The following ZC3H11B variants were observed in gnomAD, a reference collection of about 807,000 sequenced individuals.
ZC3H11B encodes the protein zinc finger CCCH domain-containing protein 11B.
A neutral mutation model predicts 34.0 loss-of-function variants in ZC3H11B; 3 were observed. That is an observed-to-expected ratio of 0.09 (90% CI 0.04 to 0.23). ZC3H11B has a LOEUF of 0.23. Ranked by LOEUF, ZC3H11B falls within the 10% of genes least tolerant of loss-of-function variation. The pLI is 1.00. For missense variants in ZC3H11B, 99 were observed against 660.1 expected (o/e 0.15, Z 9.31); for synonymous variants, 33 against 250.1 (o/e 0.13, Z 8.19).
chr1:219,610,565 C>T, exon 2 of ZC3H11B: 1 of 1,395,180 alleles, frequency 7.2e-7, no homozygotes, highest in Non-Finnish European at 1.0e-6. Flanking sequence ...GGAGTGGCCT[C>T]ATGTTGAGAC....
At chr1:219,609,385 T>C in exon 2 of ZC3H11B, 1 of 507,140 alleles carries the variant, frequency 2.0e-6, no homozygotes, top group East Asian at 3.7e-5. Context: ...GAGAAGGGTA[T>C]GACAGAACTT....
At chr1:219,608,997 T>C (rs1029149198) in exon 2 of ZC3H11B, 2 of 124,642 alleles carry the variant, frequency 1.6e-5, no homozygotes, top group African/African-American at 6.6e-5. Flanking sequence ...TAATAATAAA[T>C]TAGATATTGC....
chr1:219,608,969 C>A (rs1022397013), exon 2 of ZC3H11B: 45 of 151,046 alleles, frequency 3.0e-4, no homozygotes, highest in African/African-American at 9.8e-4. Context: ...CACTTTAAAG[C>A]CTTTTAAAAA....
rs1206769833 is a variant in ZC3H11B at position 219,612,729 on chromosome 1, G to A, written c.-501-166C>T. The A allele has an allele frequency of 5.0e-5, 14 of 280,388 alleles. 1 individual carries two copies. The highest frequency in any genetic ancestry group is 8.1e-5 in the Non-Finnish European group (13 of 161,088). 17.4% of individuals were successfully genotyped at this position (280,388 alleles called of 1,614,324 possible). Reference sequence around the variant, plus strand: ...TCCACAGCCTCCTTCTCAAGGTCCAGAACCTTGAGATGGCCTGGAAGATGT... The same window carrying A: ...TCCACAGCCTCCTTCTCAAGGTCCAAAACCTTGAGATGGCCTGGAAGATGT... On this transcript the variant is annotated intron_variant, in intron 1 of 1. Transcript: ENST00000651890.
exon 2 of ZC3H11B, chr1:219,612,166 A>G (rs1413158034): frequency 1.7e-6 from 1 of 604,058 alleles, no homozygotes; most frequent in Admixed American, 3.0e-5. Flanking sequence ...TTAATCTTCC[A>G]AATGACAACT....
exon 2 of ZC3H11B, chr1:219,612,266 G>A: frequency 2.0e-6 from 1 of 509,288 alleles, no homozygotes. Flanking sequence ...AATCTATTAT[G>A]CCTGTAGGTC....
exon 2 of ZC3H11B, chr1:219,608,981 T>C (rs1667959299): frequency 6.8e-6 from 1 of 147,580 alleles, no homozygotes. Context: ...TTTTAAAAAA[T>C]TACAGTAATA....
At position 219,609,113 on chromosome 1, in the gene ZC3H11B, A is replaced by AATCTC. The variant is rs571685366; in HGVS notation, c.*527_*531dup. 2.2e-3 allele frequency: 378 copies of AATCTC among 172,646 alleles called. 4 individuals are homozygous for AATCTC. The highest frequency in any genetic ancestry group is 8.7e-3 in the African/African-American group (362 of 41,656). 10.7% of individuals were successfully genotyped at this position (172,646 alleles called of 1,614,324 possible). On this transcript the variant is annotated 3_prime_UTR_variant, in exon 2 of 2. Transcript: ENST00000651890. ...CTCAGCCCTCTTTAAAGCTTAGTTG[A>AATCTC]ATCTCTAAATACCTTTAAAAAGACA...
At chr1:219,609,624 C>A in exon 2 of ZC3H11B, 1 of 1,006,840 alleles carries the variant, frequency 9.9e-7, no homozygotes, top group South Asian at 1.5e-5. Context: ...CTCACTACCA[C>A]CTTCAGCTAT....
At chr1:219,611,238 C>T in exon 2 of ZC3H11B, 1 of 874,022 alleles carries the variant, frequency 1.1e-6, no homozygotes, top group African/African-American at 1.7e-5. Context: ...CCAATCTAAC[C>T]AAGGGTTCTT....
At chr1:219,608,469 A>G (rs1184342526) in exon 2 of ZC3H11B, 1 of 152,104 alleles carries the variant, frequency 6.6e-6, no homozygotes, top group East Asian at 1.9e-4. Flanking sequence ...CTTCCTCCTG[A>G]TTATATACAA....
exon 2 of ZC3H11B, chr1:219,609,840 C>A: frequency 6.2e-7 from 1 of 1,614,008 alleles, no homozygotes; most frequent in South Asian, 1.1e-5. Context: ...CAGACACCTC[C>A]GGGGGTGAGG....
At chr1:219,611,753 T>C (rs1289533915) in exon 2 of ZC3H11B, 4 of 1,388,596 alleles carry the variant, frequency 2.9e-6, no homozygotes, top group Admixed American at 3.4e-5. Flanking sequence ...TCAGGCACAG[T>C]GGGCAACACA....
At chr1:219,612,462 T>C (rs1668015223) in exon 2 of ZC3H11B, 1 of 161,590 alleles carries the variant, frequency 6.2e-6, no homozygotes, top group Non-Finnish European at 1.1e-5. Context: ...GGGTTAGTTA[T>C]CTCCTCAAAA....
chr1:219,612,645 C>A (rs185829158), intron 1 of ZC3H11B, 82 bp from the exon 2 acceptor site: 3,614 of 183,726 alleles, frequency 0.02, 980 homozygotes, highest in African/African-American at 0.13. Context: ...AGTCAATTTT[C>A]CAGGAATTTT....
chr1:219,608,874 G>C (rs1174152277), exon 2 of ZC3H11B: 1 of 152,634 alleles, frequency 6.6e-6, no homozygotes, highest in East Asian at 1.9e-4. Context: ...TACTAAAAAA[G>C]AATTCCTCTA....
At position 219,609,955 on chromosome 1, in the gene ZC3H11B, T is replaced by C. The variant is rs1316850293; in HGVS notation, c.2108A>G (p.Asp703Gly). ...CTCAGAGTCAAGCAGGACAACAGCA[T>C]CCACAGCTGCCTTTTTGGCTGGGGG... Residue 703 changes from aspartate to glycine, a missense_variant, in exon 2 of 2, where the codon GAT (aspartate) becomes GGT (glycine). Asp to Gly is a moderately conservative substitution (Grantham distance 94). Coordinates refer to ENST00000651890, the Ensembl canonical transcript of ZC3H11B. 43 of 1,555,434 alleles carry C rather than the reference T, an allele frequency of 2.8e-5. No individual in the cohort carries two copies. In the African/African-American group the frequency reaches 5.1e-4, roughly 18 times the overall value.
exon 2 of ZC3H11B, chr1:219,609,021 A>AGC (rs1558165631): frequency 6.6e-6 from 1 of 152,478 alleles, no homozygotes; most frequent in East Asian, 2.0e-4. Flanking sequence ...TCAGAGGCCA[A>AGC]CAGAGCAGCA....
At chr1:219,609,480 G>C in exon 2 of ZC3H11B, 1 of 566,916 alleles carries the variant, frequency 1.8e-6, no homozygotes, top group Non-Finnish European at 3.1e-6. Flanking sequence ...AAGGAATCCA[G>C]GACACATACA....
Sources: gnomAD v4.1 joint callset for allele counts on GRCh38, gnomAD v4.1.1 for gene constraint, MANE v1.5 for transcripts, NCBI Gene and HGNC (gene_info 2026-07-23, HGNC 2026-07-21) for gene names.